The following CDH4 variants were observed in gnomAD, a reference collection of about 807,000 sequenced individuals.
CDH4 encodes cadherin 4.
In CDH4, 33 loss-of-function variants were observed where a neutral mutation model predicts 86.0. The ratio of observed to expected loss-of-function variants is 0.38; its 90% CI spans 0.29 to 0.51. CDH4 has a LOEUF of 0.51. Among genes scored for constraint, CDH4 ranks in the 20% least tolerant of loss-of-function variants. CDH4 has a pLI of 0.86. For synonymous variants in CDH4, 555 were observed against 549.4 expected, an observed-to-expected ratio of 1.01 and a Z score of -0.14; for missense variants, 1,114 against 1,307.4, an observed-to-expected ratio of 0.85 and a Z score of 2.28.
At chr20:61,883,908 G>A (rs1454020637) in intron 7 of CDH4, among the ~76,000 whole-genome samples, 2 of 152,218 alleles carry the variant, frequency 1.3e-5, no homozygotes, top group Non-Finnish European at 1.5e-5. Flanking sequence ...ACAGAGAGAG[G>A]GGGAAGCAAG....
chr20:61,354,711 C>G (rs1421451346), intron 2 of CDH4, among the ~76,000 whole-genome samples: 3 of 152,232 alleles, frequency 2.0e-5, no homozygotes, highest in Non-Finnish European at 4.4e-5. Flanking sequence ...CCACATTGCT[C>G]GGCCAAGGTT....
At chr20:61,717,107 G>A (rs1245621428) in intron 2 of CDH4, among the ~76,000 whole-genome samples, 2 of 152,152 alleles carry the variant, frequency 1.3e-5, no homozygotes, top group Admixed American at 6.5e-5. Flanking sequence ...GCAGGGCAGG[G>A]CGTCAGGGCA....
At position 61,517,141 on chromosome 20, in the gene CDH4, C is replaced by A. The variant is rs185798479; in HGVS notation, c.170-226422C>A. Among the ~76,000 whole-genome samples the A allele has an allele frequency of 4.6e-5, 7 of 152,318 alleles. No homozygotes were observed. The highest frequency in any genetic ancestry group is 1.7e-4 in the African/African-American group (7 of 41,582). The stretch of plus-strand genomic sequence containing the variant: ...CCCTTCACCAAAGGGTAACCAGATT[C>A]CTGTATTCCAACTTTCTAGATGTTG... On this transcript the variant is annotated intron_variant, in intron 2 of 15. Coordinates refer to ENST00000614565, the MANE Select transcript of CDH4 (RefSeq NM_001794.5). This position sits in a 1 kb window ranked among gnomAD's most constrained non-coding sequence, Gnocchi z 6.6.
At chr20:61,388,467 G>C (rs1440406032) in intron 2 of CDH4, among the ~76,000 whole-genome samples, 1 of 152,148 alleles carries the variant, frequency 6.6e-6, no homozygotes. Context: ...GGAAGCCTGA[G>C]CCCTCGAAGG....
intron 4 of CDH4, among the ~76,000 whole-genome samples, chr20:61,812,833 G>T (rs958444938): frequency 7.2e-5 from 11 of 152,134 alleles, no homozygotes; most frequent in African/African-American, 2.7e-4. Context: ...TGCTCTCCAG[G>T]CCATGACAGC....
intron 2 of CDH4, among the ~76,000 whole-genome samples, chr20:61,692,974 G>C (rs1034848967): frequency 6.6e-6 from 1 of 151,990 alleles, no homozygotes; most frequent in Non-Finnish European, 1.5e-5. Context: ...TTTTTTTCCA[G>C]TTATCCAATT....
chr20:61,563,653 G>T (rs542806073), intron 2 of CDH4, among the ~76,000 whole-genome samples: 1 of 152,134 alleles, frequency 6.6e-6, no homozygotes, highest in Non-Finnish European at 1.5e-5. Flanking sequence ...ATGGGTCCTC[G>T]CTAGGCCACC....
chr20:61,703,331 C>T lies in CDH4; in HGVS notation c.170-40232C>T, dbSNP rs370512700. Among the ~76,000 whole-genome samples the T allele has an allele frequency of 6.6e-6, 1 of 152,150 alleles. No individual in the cohort carries two copies. Among genetic ancestry groups the T allele is most frequent in the East Asian group, 1.9e-4 (1 of 5,184 alleles). On this transcript the variant is annotated intron_variant, in intron 2 of 15. Coordinates refer to ENST00000614565, the MANE Select transcript of CDH4 (RefSeq NM_001794.5). The surrounding 1 kb of genome is among the most constrained non-coding windows in gnomAD (Gnocchi z 4.3). The stretch of plus-strand genomic sequence containing the variant: ...GTTTAAGGAGACGGGCAGTACACAC[C>T]ACGAGTGTCATGGAGAAAATAGGCC...
At chr20:61,556,912 G>T (rs1344225933) in intron 2 of CDH4, among the ~76,000 whole-genome samples, 2 of 151,956 alleles carry the variant, frequency 1.3e-5, no homozygotes, top group Non-Finnish European at 2.9e-5. Flanking sequence ...TCACACCAGG[G>T]CTGATCCCCG....
chr20:61,571,637 A>G (rs775887070), intron 2 of CDH4, among the ~76,000 whole-genome samples: 4 of 152,120 alleles, frequency 2.6e-5, no homozygotes, highest in Non-Finnish European at 5.9e-5. Flanking sequence ...GGCAAGCCCC[A>G]GCTCCCACTG....
In CDH4 at chr20:61,501,866, A is replaced by G. The variant is rs1042658158; in HGVS notation, c.170-241697A>G. ...ACGCTGGACACGTGTGTCCTTGTAT[A>G]TACCTGTTGCGCCTGCGAGAACATG... On this transcript the variant is annotated intron_variant, in intron 2 of 15. Coordinates refer to ENST00000614565, the MANE Select transcript of CDH4 (RefSeq NM_001794.5). The surrounding 1 kb of genome is among the most constrained non-coding windows in gnomAD (Gnocchi z 4.2). Among the ~76,000 whole-genome samples the G allele has an allele frequency of 5.9e-5, 9 of 152,106 alleles. No individual in the cohort carries two copies. The highest frequency in any genetic ancestry group is 1.0e-4 in the Non-Finnish European group (7 of 68,022).
intron 2 of CDH4, among the ~76,000 whole-genome samples, chr20:61,572,714 G>C (rs1403321542): frequency 3.3e-5 from 5 of 152,228 alleles, no homozygotes; most frequent in Admixed American, 6.5e-5. Flanking sequence ...CACAAAAGAG[G>C]AGTCCTTCTC....
At chr20:61,400,307 T>C (rs1339819585) in intron 2 of CDH4, among the ~76,000 whole-genome samples, 4 of 152,164 alleles carry the variant, frequency 2.6e-5, no homozygotes, top group African/African-American at 7.2e-5. Context: ...TCAGGAGTTA[T>C]AGTTATTGGA....
chr20:61,818,605 G>C (rs1162421345), intron 4 of CDH4, among the ~76,000 whole-genome samples: 1 of 151,362 alleles, frequency 6.6e-6, no homozygotes, highest in Non-Finnish European at 1.5e-5. Flanking sequence ...TTGAGTCCCA[G>C]AGTTCCAGGC....
At chr20:61,812,465 G>T (rs1240826764) in intron 4 of CDH4, among the ~76,000 whole-genome samples, 1 of 152,158 alleles carries the variant, frequency 6.6e-6, no homozygotes. Flanking sequence ...CCAGGGAAAT[G>T]GGTCTGGGCC....
chr20:61,406,298 G>GCTCTGCCCGGACCAC (rs1568832678), intron 2 of CDH4, among the ~76,000 whole-genome samples: 11 of 146,418 alleles, frequency 7.5e-5, no homozygotes, highest in South Asian at 2.2e-4. Flanking sequence ...GCCCGGACCA[G>GCTCTGCCCGGACCAC]CATCTGCTCT....
intron 2 of CDH4, among the ~76,000 whole-genome samples, chr20:61,255,633 G>C (rs2084094151): frequency 6.6e-6 from 1 of 152,226 alleles, no homozygotes; most frequent in South Asian, 2.1e-4. Context: ...TCCTGGAAGT[G>C]GCAGCCTTTG....
intron 2 of CDH4, among the ~76,000 whole-genome samples, chr20:61,512,165 C>T (rs2085784889): frequency 6.6e-6 from 1 of 152,018 alleles, no homozygotes; most frequent in Non-Finnish European, 1.5e-5. Context: ...CAGCTGGGTT[C>T]CTGGGCTGCC....
chr20:61,336,495 C>A (rs182682826), intron 2 of CDH4, among the ~76,000 whole-genome samples: 109 of 152,234 alleles, frequency 7.2e-4, no homozygotes, highest in African/African-American at 2.6e-3. Flanking sequence ...CAGCACAATA[C>A]CTATTCCTTC....
Sources: gnomAD v4.1 joint callset for allele counts (sites outside exome capture counted in the v4.1 genomes callset) on GRCh38, gnomAD v4.1.1 for gene constraint, Gnocchi (gnomAD v3.1) non-coding constraint, MANE v1.5 for transcripts, NCBI Gene and HGNC (gene_info 2026-07-23, HGNC 2026-07-21) for gene names.